The following MAGI1 variants were observed in gnomAD, a reference collection of about 807,000 sequenced individuals.
MAGI1 encodes the protein membrane associated guanylate kinase, WW and PDZ domain containing 1.
MAGI1 carries 58 observed loss-of-function variants against 139.9 expected under a neutral mutation model. The observed-to-expected ratio is 0.41, with a 90% CI of 0.34 to 0.52. MAGI1 has a LOEUF of 0.52. Among genes scored for constraint, MAGI1 ranks in the 20% least tolerant of loss-of-function variants. MAGI1 has a pLI of 0.12. For missense variants in MAGI1, 1,874 were observed against 1,901.6 expected (o/e 0.99, Z 0.27); for synonymous variants, 812 against 737.9 (o/e 1.10, Z -1.63).
chr3:65,539,352 C>T (rs912955110), intron 2 of MAGI1, among the ~76,000 whole-genome samples: 4 of 152,104 alleles, frequency 2.6e-5, no homozygotes, highest in African/African-American at 7.2e-5. Flanking sequence ...AACAAACACA[C>T]ATACCAACTA....
chr3:65,862,871 T>G (rs2059600585), intron 1 of MAGI1, among the ~76,000 whole-genome samples: 1 of 152,242 alleles, frequency 6.6e-6, no homozygotes, highest in East Asian at 1.9e-4. Context: ...TCACAGAGGT[T>G]CTGGAGTTTC....
intron 1 of MAGI1, among the ~76,000 whole-genome samples, chr3:65,799,957 A>C (rs1050397283): frequency 5.3e-5 from 8 of 152,358 alleles, no homozygotes; most frequent in Admixed American, 3.3e-4. Flanking sequence ...AAACACAAAT[A>C]ATGTACCATT....
At chr3:65,940,522 A>T (rs1300913626) in intron 1 of MAGI1, among the ~76,000 whole-genome samples, 1 of 152,286 alleles carries the variant, frequency 6.6e-6, no homozygotes, top group East Asian at 1.9e-4. Flanking sequence ...AATCCCATTC[A>T]TGAGGGCTCC....
At chr3:65,444,124 T>C (rs950621519) in intron 7 of MAGI1, among the ~76,000 whole-genome samples, 2 of 152,220 alleles carry the variant, frequency 1.3e-5, no homozygotes, top group Admixed American at 6.5e-5. Flanking sequence ...TTCCCCCCTT[T>C]TCTTCTAAAT....
intron 1 of MAGI1, among the ~76,000 whole-genome samples, chr3:65,980,882 G>A (rs1288650010): frequency 1.3e-5 from 2 of 152,128 alleles, no homozygotes; most frequent in African/African-American, 4.8e-5. Context: ...TTCCCGGCCA[G>A]GTGCAGTGGC....
intron 12 of MAGI1, among the ~76,000 whole-genome samples, chr3:65,426,249 A>C (rs573495428): frequency 6.6e-6 from 1 of 152,314 alleles, no homozygotes; most frequent in South Asian, 2.1e-4. Context: ...CTGACTCAGG[A>C]AACTGTCTGA....
intron 1 of MAGI1, among the ~76,000 whole-genome samples, chr3:65,974,698 G>T (rs2065180404): frequency 6.6e-6 from 1 of 152,176 alleles, no homozygotes; most frequent in Admixed American, 6.5e-5. Context: ...GCTGTCAGCA[G>T]GGGGCTTCAG....
chr3:65,778,625 A>AGC (rs1376023777), intron 1 of MAGI1, among the ~76,000 whole-genome samples: 1 of 152,130 alleles, frequency 6.6e-6, no homozygotes, highest in Non-Finnish European at 1.5e-5. Flanking sequence ...ACAGCAGTTA[A>AGC]GCAACTTGCC....
At chr3:65,766,787 G>A in intron 1 of MAGI1, among the ~76,000 whole-genome samples, 1 of 152,056 alleles carries the variant, frequency 6.6e-6, no homozygotes, top group East Asian at 2.0e-4. Context: ...TACTCAGGAG[G>A]CTGAGGCAGG....
intron 1 of MAGI1, among the ~76,000 whole-genome samples, chr3:65,896,433 A>G (rs1378160403): frequency 3.3e-5 from 5 of 152,226 alleles, no homozygotes; most frequent in African/African-American, 4.8e-5. Flanking sequence ...GGAATATCAC[A>G]TCTGTGGAGC....
intron 1 of MAGI1, chr3:65,875,056 A>G (rs1282516681): frequency 1.3e-5 from 2 of 152,646 alleles, no homozygotes; most frequent in African/African-American, 2.4e-5. Flanking sequence ...TGTCTCTACA[A>G]AAAACAAATA....
In MAGI1 at chr3:65,459,063, T is replaced by C. The variant is rs72896344; in HGVS notation, c.960-5723A>G. ...ACACCATTTATTGAAGAGACCATCC[T>C]TTCCCCAATGTGTGTGCTTGGCACC... On this transcript the variant is annotated intron_variant, in intron 5 of 22. Coordinates refer to ENST00000402939, the MANE Select transcript of MAGI1 (RefSeq NM_001033057.2). 4.2e-3 allele frequency among the ~76,000 whole-genome samples: 638 copies of C among 152,322 alleles called. 3 individuals carry two copies. Among genetic ancestry groups the C allele is most frequent in the African/African-American group, 0.014 (599 of 41,564 alleles).
chr3:65,820,738 G>A (rs2041903170), intron 1 of MAGI1, among the ~76,000 whole-genome samples: 1 of 152,054 alleles, frequency 6.6e-6, no homozygotes, highest in African/African-American at 2.4e-5. Context: ...TGTGCTTCAG[G>A]CACATTTTGA....
At chr3:65,861,300 A>G (rs116260855) in intron 1 of MAGI1, among the ~76,000 whole-genome samples, 2,029 of 152,286 alleles carry the variant, frequency 0.013, 39 homozygotes, top group African/African-American at 0.046. Context: ...TGAATTTCTT[A>G]TACCAGGTGA....
At chr3:65,878,754 G>C (rs188075563) in intron 1 of MAGI1, among the ~76,000 whole-genome samples, 4 of 152,114 alleles carry the variant, frequency 2.6e-5, no homozygotes, top group Non-Finnish European at 5.9e-5. Context: ...CTGTCTGCTG[G>C]TTACAAATAG....
At chr3:65,558,719 C>G (rs1343560516) in intron 2 of MAGI1, among the ~76,000 whole-genome samples, 1 of 152,094 alleles carries the variant, frequency 6.6e-6, no homozygotes, top group Non-Finnish European at 1.5e-5. Flanking sequence ...AGATTTGGGA[C>G]CCCATCCTGA....
At chr3:65,783,699 C>T (rs537504092) in intron 1 of MAGI1, among the ~76,000 whole-genome samples, 27 of 151,408 alleles carry the variant, frequency 1.8e-4, no homozygotes, top group Middle Eastern at 3.4e-3. Context: ...GGTTTTGCCA[C>T]GTTGCCCAGG....
intron 1 of MAGI1, among the ~76,000 whole-genome samples, chr3:65,741,017 G>A (rs1255723277): frequency 2.0e-5 from 3 of 152,142 alleles, no homozygotes; most frequent in Non-Finnish European, 2.9e-5. Flanking sequence ...GGTGAATAGT[G>A]AGAAGAGTTT....
intron 12 of MAGI1, among the ~76,000 whole-genome samples, chr3:65,406,174 C>T (rs751030828): frequency 1.3e-5 from 2 of 151,872 alleles, no homozygotes; most frequent in African/African-American, 2.4e-5. Flanking sequence ...ATTAAAGAAC[C>T]CTCATAGATT....
Sources: gnomAD v4.1 joint callset for allele counts (sites outside exome capture counted in the v4.1 genomes callset) on GRCh38, gnomAD v4.1.1 for gene constraint, MANE v1.5 for transcripts, NCBI Gene and HGNC (gene_info 2026-07-23, HGNC 2026-07-21) for gene names.